Variants in RGS7 observed in about 807,000 individuals in gnomAD.
RGS7 encodes the protein regulator of G protein signaling 7, also known as regulator of G-protein signaling 7.
Under a neutral mutation model 81.1 loss-of-function variants are expected in RGS7, and 27 were observed. The observed-to-expected ratio is 0.33, with a 90% CI of 0.25 to 0.46. The LOEUF (loss-of-function observed/expected upper bound fraction) is 0.46. Ranked by LOEUF, RGS7 falls within the 20% of genes least tolerant of loss-of-function variation. The probability of loss-of-function intolerance (pLI) is 1.00; values close to 1 mark genes in which losing one functional copy is unlikely to be tolerated. For missense variants in RGS7, 396 were observed against 607.4 expected, an observed-to-expected ratio of 0.65 and a Z score of 3.66; for synonymous variants, 208 against 207.7, an observed-to-expected ratio of 1.00 and a Z score of -0.01.
At chr1:240,913,243 T>G (rs1672051294) in intron 6 of RGS7, among the ~76,000 whole-genome samples, 1 of 152,232 alleles carries the variant, frequency 6.6e-6, no homozygotes, top group Non-Finnish European at 1.5e-5. Context: ...TTTGTATGTA[T>G]GCATGATGTA....
At chr1:241,338,835 TATC>T (rs1238968898) in intron 2 of RGS7, among the ~76,000 whole-genome samples, 3 of 152,050 alleles carry the variant, frequency 2.0e-5, no homozygotes, top group Non-Finnish European at 4.4e-5. Context: ...AAGAACATAT[TATC>T]ATCATCACTG....
intron 3 of RGS7, among the ~76,000 whole-genome samples, chr1:241,044,580 C>T (rs1558640410): frequency 6.6e-6 from 1 of 151,930 alleles, no homozygotes; most frequent in Non-Finnish European, 1.5e-5. Flanking sequence ...TGCCACCATG[C>T]TCAGCTAATT....
At chr1:241,198,125 A>C (rs771257512) in intron 2 of RGS7, among the ~76,000 whole-genome samples, 2 of 152,026 alleles carry the variant, frequency 1.3e-5, no homozygotes, top group African/African-American at 2.4e-5. Context: ...GCAAGAGAAG[A>C]AATTACAAGA....
chr1:241,338,584 C>T (rs1219507793), intron 2 of RGS7, among the ~76,000 whole-genome samples: 2 of 152,006 alleles, frequency 1.3e-5, no homozygotes, highest in African/African-American at 4.8e-5. Context: ...TTTTCATTTG[C>T]ATTTATTCTT....
chr1:240,969,328 C>A (rs1462951982), intron 4 of RGS7, among the ~76,000 whole-genome samples: 1 of 152,182 alleles, frequency 6.6e-6, no homozygotes, highest in Non-Finnish European at 1.5e-5. Flanking sequence ...AAGAGGCCAG[C>A]CAGCTACTGG....
chr1:240,775,503 T>A (rs928456424), downstream of RGS7: 2 of 152,330 alleles, frequency 1.3e-5, no homozygotes, highest in African/African-American at 4.8e-5. Context: ...AGTCAAAAGT[T>A]ACAAAAGCAA....
chr1:240,990,450 T>C (rs965454645), intron 3 of RGS7, among the ~76,000 whole-genome samples: 8 of 152,350 alleles, frequency 5.3e-5, no homozygotes, highest in South Asian at 4.1e-4. Flanking sequence ...ACATTGTTTT[T>C]GTGTATGTGA....
intron 6 of RGS7, among the ~76,000 whole-genome samples, chr1:240,882,129 G>A (rs907357238): frequency 5.3e-5 from 8 of 152,168 alleles, no homozygotes; most frequent in South Asian, 2.1e-4. Context: ...TGGCCAGGCC[G>A]GTCTTGAACC....
At position 240,938,348 on chromosome 1, in the gene RGS7, T is replaced by C. The variant is rs1372000895; in HGVS notation, c.227-1642A>G. On this transcript the variant is annotated intron_variant, in intron 4 of 18. Transcript: ENST00000440928. Reference sequence around the variant, plus strand: ...TAATTCATTTATAAATTTATTTCTGTTTCTTAGTCAAGAAGCTAGGATTCT... The same window carrying C: ...TAATTCATTTATAAATTTATTTCTGCTTCTTAGTCAAGAAGCTAGGATTCT... Among the ~76,000 whole-genome samples, 3 of 152,314 alleles carry C rather than the reference T, an allele frequency of 2.0e-5. No homozygotes were observed. The East Asian group carries it at 5.8e-4, about 29-fold the overall frequency.
chr1:240,892,013 G>A (rs775904985), intron 6 of RGS7, among the ~76,000 whole-genome samples: 4 of 152,162 alleles, frequency 2.6e-5, no homozygotes, highest in South Asian at 2.1e-4. Flanking sequence ...CTGAGAGGAC[G>A]GGAGGATCTT....
At chr1:241,262,067 T>C (rs911725104) in intron 2 of RGS7, among the ~76,000 whole-genome samples, 2 of 152,196 alleles carry the variant, frequency 1.3e-5, no homozygotes, top group African/African-American at 2.4e-5. Context: ...AACTCATATG[T>C]ATGTCCTCAA....
At chr1:240,811,798 T>C in intron 14 of RGS7, 120 bp downstream of exon 14, 1 of 934,502 alleles carries the variant, frequency 1.1e-6, no homozygotes, top group South Asian at 1.4e-5. Flanking sequence ...AGAAATTCAA[T>C]GGGTTCATGA....
At chr1:241,127,104 C>T (rs543290643) in intron 2 of RGS7, among the ~76,000 whole-genome samples, 1 of 152,188 alleles carries the variant, frequency 6.6e-6, no homozygotes, top group East Asian at 1.9e-4. Context: ...AAGGTAATAT[C>T]ATAGAGAGAA....
At chr1:241,021,148 G>A (rs2059515136) in intron 3 of RGS7, among the ~76,000 whole-genome samples, 1 of 152,102 alleles carries the variant, frequency 6.6e-6, no homozygotes, top group Non-Finnish European at 1.5e-5. Flanking sequence ...TATTTTGCAT[G>A]CATCAGTAAC....
chr1:241,259,631 C>T (rs1192616001), intron 2 of RGS7, among the ~76,000 whole-genome samples: 1 of 75,314 alleles, frequency 1.3e-5, no homozygotes, highest in Admixed American at 2.0e-4. Context: ...GCCTGGACAA[C>T]AAGAGCGAAA....
chr1:240,785,076 G>C (rs2102986097), intron 18 of RGS7, among the ~76,000 whole-genome samples: 1 of 152,284 alleles, frequency 6.6e-6, no homozygotes, highest in Non-Finnish European at 1.5e-5. Flanking sequence ...GATAGGCAGT[G>C]CTCTTAGCAG....
chr1:240,889,056 A>G (rs113758181), intron 6 of RGS7, among the ~76,000 whole-genome samples: 3,540 of 152,190 alleles, frequency 0.023, 66 homozygotes, highest in Middle Eastern at 0.051. Flanking sequence ...CCCGGGTTCA[A>G]GCGATTCTCC....
chr1:241,046,146 T>G (rs2148788097), intron 3 of RGS7, among the ~76,000 whole-genome samples: 1 of 152,134 alleles, frequency 6.6e-6, no homozygotes, highest in East Asian at 1.9e-4. Context: ...TTGGGGTAGA[T>G]CCATTTTTCA....
intron 5 of RGS7, among the ~76,000 whole-genome samples, chr1:240,933,293 T>C (rs17699068): frequency 0.039 from 5,965 of 152,008 alleles, 227 homozygotes; most frequent in Middle Eastern, 0.071. Context: ...GCATATCTAT[T>C]TATCTAACCT....
Sources: gnomAD v4.1 joint callset for allele counts (sites outside exome capture counted in the v4.1 genomes callset) on GRCh38, gnomAD v4.1.1 for gene constraint, MANE v1.5 for transcripts, NCBI Gene and HGNC (gene_info 2026-07-23, HGNC 2026-07-21) for gene names.